The following AKT3 variants were observed in gnomAD, a reference collection of about 807,000 sequenced individuals.
The protein encoded by AKT3 is RAC-gamma serine/threonine-protein kinase.
A neutral mutation model predicts 65.3 loss-of-function variants in AKT3; 15 were observed. That is an observed-to-expected ratio of 0.23 (90% confidence interval 0.15 to 0.35). The LOEUF is 0.35. Ranked by LOEUF, AKT3 falls within the 10% of genes least tolerant of loss-of-function variation. The probability of loss-of-function intolerance (pLI) is 1.00; values close to 1 mark genes in which losing one functional copy is unlikely to be tolerated. For synonymous variants in AKT3, 206 were observed against 183.8 expected, an observed-to-expected ratio of 1.12 and a Z score of -0.98; for missense variants, 243 against 576.5, an observed-to-expected ratio of 0.42 and a Z score of 5.92.
At chr1:243,770,657 G>A (rs1690121549) in intron 2 of AKT3, among the ~76,000 whole-genome samples, 1 of 150,096 alleles carries the variant, frequency 6.7e-6, no homozygotes, top group Non-Finnish European at 1.5e-5. Context: ...TTCCTTTCCA[G>A]ACAGCTGTTT....
chr1:243,581,679 T>C (rs1020552986), intron 8 of AKT3, among the ~76,000 whole-genome samples: 2 of 152,014 alleles, frequency 1.3e-5, no homozygotes, highest in Non-Finnish European at 2.9e-5. Flanking sequence ...TCCAGCACTA[T>C]GAAAAATCTG....
intron 9 of AKT3, among the ~76,000 whole-genome samples, chr1:243,565,217 A>T (rs1371631954): frequency 6.6e-6 from 1 of 152,122 alleles, no homozygotes; most frequent in East Asian, 1.9e-4. Context: ...CATAAAATAT[A>T]CTGCTGAACC....
intron 12 of AKT3, among the ~76,000 whole-genome samples, chr1:243,533,040 C>T (rs1671651294): frequency 6.6e-6 from 1 of 152,066 alleles, no homozygotes; most frequent in African/African-American, 2.4e-5. Flanking sequence ...TCTTTTTCCT[C>T]CTTAGTCAAT....
Position 243,501,399 on chromosome 1 carries a change from C to T in AKT3, c.*3850G>A, listed in dbSNP as rs933188304. On this transcript the variant is annotated 3_prime_UTR_variant, in exon 14 of 14. Coordinates refer to ENST00000673466, the MANE Select transcript of AKT3 (RefSeq NM_005465.7). ...ATGAAAAGCTACATTCCTTCAGATT[C>T]TGGGTCCAAACCGTGTGTTGTATAG... 5.1e-5 allele frequency: 12 copies of T among 233,092 alleles called. No individual in the cohort carries two copies. The highest frequency in any genetic ancestry group is 1.8e-4 in the South Asian group (1 of 5,534). 14.4% of individuals were successfully genotyped at this position (233,092 alleles called of 1,614,324 possible). A position where few individuals can be genotyped will look rare whatever the true frequency, so the allele number is the denominator to read the frequency against.
chr1:243,823,735 G>A (rs1256036465), intron 2 of AKT3, among the ~76,000 whole-genome samples: 1 of 151,280 alleles, frequency 6.6e-6, no homozygotes, highest in Admixed American at 6.6e-5. Context: ...ACCTTTTCAA[G>A]GAGAACTCAA....
intron 2 of AKT3, among the ~76,000 whole-genome samples, chr1:243,812,325 A>G (rs1214812826): frequency 3.9e-5 from 6 of 152,242 alleles, no homozygotes; most frequent in Non-Finnish European, 8.8e-5. Context: ...CAAATTTACA[A>G]GAAAAAAACA....
At chr1:243,704,530 T>C (rs320342) in intron 2 of AKT3, among the ~76,000 whole-genome samples, 126,378 of 152,114 alleles carry the variant, frequency 0.83, 52,671 homozygotes, top group Non-Finnish European at 0.86. Flanking sequence ...GCCCCTATTC[T>C]TTGGCATTTC....
intron 2 of AKT3, among the ~76,000 whole-genome samples, chr1:243,737,420 C>CCTT (rs1037156590): frequency 2.6e-5 from 4 of 152,052 alleles, no homozygotes; most frequent in South Asian, 4.2e-4. Flanking sequence ...TTCTGTTATT[C>CCTT]CTTCTTCTTC....
At chr1:243,543,494 T>C (rs1169315185) in intron 12 of AKT3, among the ~76,000 whole-genome samples, 1 of 152,082 alleles carries the variant, frequency 6.6e-6, no homozygotes, top group African/African-American at 2.4e-5. Flanking sequence ...GAAGAGGGTG[T>C]CTAGAAAGGA....
chr1:243,686,209 C>T (rs1684279307), intron 3 of AKT3, among the ~76,000 whole-genome samples: 1 of 152,028 alleles, frequency 6.6e-6, no homozygotes, highest in Admixed American at 6.6e-5. Flanking sequence ...CAATGCTATC[C>T]CCATCAAGCT....
At chr1:243,729,841 C>T (rs1687438652) in intron 2 of AKT3, among the ~76,000 whole-genome samples, 1 of 152,146 alleles carries the variant, frequency 6.6e-6, no homozygotes. Flanking sequence ...TTCATTTTCC[C>T]TAATAAGAAT....
At chr1:243,528,586 G>C (rs1671314025) in intron 12 of AKT3, among the ~76,000 whole-genome samples, 1 of 152,120 alleles carries the variant, frequency 6.6e-6, no homozygotes, top group Non-Finnish European at 1.5e-5. Flanking sequence ...TTTGTTTTCT[G>C]TTCCTGTGTT....
intron 8 of AKT3, among the ~76,000 whole-genome samples, chr1:243,587,110 T>C (rs1209473485): frequency 6.6e-6 from 1 of 152,142 alleles, no homozygotes; most frequent in Non-Finnish European, 1.5e-5. Context: ...CACCTTGTAA[T>C]AATCAATGTA....
chr1:243,759,329 T>C (rs1572292345), intron 2 of AKT3, among the ~76,000 whole-genome samples: 1 of 96,148 alleles, frequency 1.0e-5, no homozygotes, highest in Admixed American at 1.2e-4. Flanking sequence ...CACCAAAAAA[T>C]AAAATTAAAT....
Position 243,672,722 on chromosome 1 carries a change from A to T in AKT3, c.173-7839T>A, listed in dbSNP as rs187202671. Among the ~76,000 whole-genome samples, 9 of 152,324 alleles carry T rather than the reference A, an allele frequency of 5.9e-5. No homozygotes were observed. In the East Asian group the frequency reaches 1.7e-3, roughly 29 times the overall value. ...TATGTTAATGTGAACTTCTCCTAAC[A>T]CATTTTTCTTCTTTGAATATGGTCA... On this transcript the variant is annotated intron_variant, in intron 3 of 13. Coordinates refer to ENST00000673466, the MANE Select transcript of AKT3 (RefSeq NM_005465.7).
intron 8 of AKT3, among the ~76,000 whole-genome samples, chr1:243,586,085 C>G (rs1675780423): frequency 6.6e-6 from 1 of 152,144 alleles, no homozygotes; most frequent in Non-Finnish European, 1.5e-5. Flanking sequence ...ACAGACATTT[C>G]TCAAAAGAAG....
chr1:243,697,478 A>T (rs972147208), intron 2 of AKT3, among the ~76,000 whole-genome samples: 1 of 152,108 alleles, frequency 6.6e-6, no homozygotes, highest in Admixed American at 6.6e-5. Flanking sequence ...TTAGTTTCTA[A>T]AAGGTTAGTT....
chr1:243,841,582 C>T (rs905102829), intron 2 of AKT3, among the ~76,000 whole-genome samples: 3 of 152,182 alleles, frequency 2.0e-5, no homozygotes, highest in Non-Finnish European at 4.4e-5. Context: ...AATGGTCAGG[C>T]ACATCGGAAA....
chr1:243,703,835 A>G (rs911952850), intron 2 of AKT3, among the ~76,000 whole-genome samples: 4 of 152,062 alleles, frequency 2.6e-5, no homozygotes, highest in Non-Finnish European at 1.5e-5. Flanking sequence ...GCAATAAACT[A>G]GCGTAAGTTT....
Sources: allele counts gnomAD v4.1 joint callset (sites outside exome capture counted in the v4.1 genomes callset), GRCh38; gene constraint gnomAD v4.1.1; transcripts MANE v1.5; gene names NCBI Gene and HGNC (gene_info 2026-07-23, HGNC 2026-07-21).